TLK1: variants seen among roughly 807,000 people sequenced by gnomAD.
The protein encoded by TLK1 is serine/threonine-protein kinase tousled-like 1.
Under a neutral mutation model 105.3 loss-of-function variants are expected in TLK1, and 24 were observed. The observed-to-expected ratio is 0.23, with a 90% CI of 0.17 to 0.32. The LOEUF is 0.32. TLK1 is among the 10% of genes least tolerant of loss of function. TLK1 has a pLI of 1.00. For missense variants in TLK1, 558 were observed against 910.5 expected (o/e 0.61, Z 4.98); for synonymous variants, 321 against 310.4 (o/e 1.03, Z -0.36).
At chr2:171,115,734 C>T (rs190416802) in intron 2 of TLK1, among the ~76,000 whole-genome samples, 6 of 152,162 alleles carry the variant, frequency 3.9e-5, no homozygotes, top group African/African-American at 1.2e-4. Flanking sequence ...TAATGCTAGA[C>T]GAATTTTCTC....
intron 2 of TLK1, among the ~76,000 whole-genome samples, chr2:171,109,526 G>C (rs1038927381): frequency 6.6e-6 from 1 of 152,088 alleles, no homozygotes; most frequent in Non-Finnish European, 1.5e-5. Flanking sequence ...AAATGAAAAA[G>C]AATCACAACA....
chr2:171,199,217 A>C (rs1409562301), intron 1 of TLK1, among the ~76,000 whole-genome samples: 1 of 151,974 alleles, frequency 6.6e-6, no homozygotes, highest in East Asian at 1.9e-4. Flanking sequence ...TGAACTCAAA[A>C]CTCCCCAAGA....
intron 8 of TLK1, among the ~76,000 whole-genome samples, chr2:171,050,836 T>C (rs1362271709): frequency 6.6e-6 from 1 of 152,164 alleles, no homozygotes; most frequent in Non-Finnish European, 1.5e-5. Context: ...TTACAACAGA[T>C]TACTGGGAAC....
At chr2:171,008,716 A>G (rs1441454500) in intron 14 of TLK1, among the ~76,000 whole-genome samples, 1 of 151,924 alleles carries the variant, frequency 6.6e-6, no homozygotes, top group Non-Finnish European at 1.5e-5. Context: ...GGCAATCATG[A>G]AAGGGCTTTA....
intron 3 of TLK1, among the ~76,000 whole-genome samples, chr2:171,061,688 G>C (rs1687758714): frequency 6.6e-6 from 1 of 152,218 alleles, no homozygotes; most frequent in Non-Finnish European, 1.5e-5. Flanking sequence ...CACAGATTAT[G>C]CCCCAGATAA....
intron 12 of TLK1, among the ~76,000 whole-genome samples, chr2:171,022,086 A>AAAACACACACACACACACAC (rs1553605634): frequency 4.8e-5 from 5 of 103,108 alleles, no homozygotes; most frequent in African/African-American, 1.5e-4. Flanking sequence ...CTGGGCGAAA[A>AAAACACACACACACACACAC]ACACACACAC....
intron 1 of TLK1, among the ~76,000 whole-genome samples, chr2:171,127,165 G>A (rs141262243): frequency 0.015 from 2,298 of 151,066 alleles, 32 homozygotes; most frequent in Middle Eastern, 0.045. Context: ...TGATCCCAGC[G>A]ACTCAGGAGG....
At chr2:171,164,347 A>G (rs1692568404), upstream of TLK1, among the ~76,000 whole-genome samples, 1 of 152,224 alleles carries the variant, frequency 6.6e-6, no homozygotes, top group Non-Finnish European at 1.5e-5. Flanking sequence ...ACACTATAGT[A>G]AGTGAAAAAA....
intron 8 of TLK1, 124 bp from the exon 9 acceptor site, chr2:171,050,298 A>C: frequency 3.4e-6 from 2 of 592,828 alleles, no homozygotes; most frequent in Non-Finnish European, 5.3e-6. Context: ...TCTGAGTATG[A>C]TACGAGAAAA....
chr2:171,075,262 T>C (rs531049348), intron 3 of TLK1, among the ~76,000 whole-genome samples: 46 of 152,062 alleles, frequency 3.0e-4, no homozygotes, highest in Non-Finnish European at 5.6e-4. Flanking sequence ...AATCAGGAAA[T>C]GCTCTAGATG....
intron 1 of TLK1, among the ~76,000 whole-genome samples, chr2:171,132,452 C>A (rs575356882): frequency 2.6e-5 from 4 of 152,268 alleles, no homozygotes; most frequent in Admixed American, 6.5e-5. Context: ...ACTTACCCCC[C>A]CCAACACGAG....
intron 1 of TLK1, among the ~76,000 whole-genome samples, chr2:171,144,168 C>CA (rs1423797086): frequency 1.3e-5 from 2 of 152,074 alleles, no homozygotes; most frequent in African/African-American, 2.4e-5. Flanking sequence ...GACAGAGCCC[C>CA]AAATTACATG....
At chr2:171,066,869 G>GAA in intron 3 of TLK1, 1 of 1,551,458 alleles carries the variant, frequency 6.4e-7, no homozygotes, top group Non-Finnish European at 8.7e-7. Context: ...AATCATACAA[G>GAA]AATAAAACAG....
rs1683861003 is a variant in TLK1, at chr2:170,993,175, T to A, written c.*605A>T. 1 of 152,592 alleles carries A rather than the reference T, an allele frequency of 6.6e-6. No homozygotes were observed. The highest frequency in any genetic ancestry group is 2.1e-4 in the South Asian group (1 of 4,832). The allele number at this position is 152,592 out of a possible 1,614,324, so 9.5% of individuals were successfully genotyped here. A position where few individuals can be genotyped will look rare whatever the true frequency, so the allele number is the denominator to read the frequency against. ...AGAAAACGGACATGTGATCTCGAGG[T>A]ACAACTTGGTAAAAGTCTGAATAGG... On this transcript the variant is annotated 3_prime_UTR_variant, in exon 21 of 21. Coordinates refer to ENST00000431350, the MANE Select transcript of TLK1 (RefSeq NM_012290.5).
In TLK1 at chr2:171,015,597, T is replaced by TA. The variant is rs1043511815; in HGVS notation, c.1237-650dup. Among the ~76,000 whole-genome samples the TA allele has an allele frequency of 2.0e-5, 3 of 152,058 alleles. No individual in the cohort carries two copies. In the East Asian group the frequency reaches 5.8e-4, roughly 29 times the overall value. On this transcript the variant is annotated intron_variant, in intron 12 of 20. Transcript: ENST00000431350. ...TTAATAATCAATATAAATATTTTGA[T>TA]AAATACATTTTTGTCTTAAAATATA...
At position 171,157,283 on chromosome 2, in the gene TLK1, T is replaced by A. The variant is rs747012414; in HGVS notation, c.139+3007A>T. On this transcript the variant is annotated intron_variant, in intron 1 of 20. Transcript: ENST00000431350. ...CTGATATGCAAAAAAACCCAACTAC[T>A]TATCTAGCCAATATGACACTAGGTT... 5.3e-4 allele frequency among the ~76,000 whole-genome samples: 81 copies of A among 152,228 alleles called. 1 individual carries two copies. The highest frequency in any genetic ancestry group is 5.3e-4 in the Non-Finnish European group (36 of 68,038).
chr2:171,170,845 G>A (rs1346722445), intron 1 of TLK1, among the ~76,000 whole-genome samples: 1 of 152,054 alleles, frequency 6.6e-6, no homozygotes, highest in Non-Finnish European at 1.5e-5. Context: ...AAACAATGAA[G>A]TACTACTTTT....
At chr2:171,111,494 G>A (rs561088861) in intron 2 of TLK1, among the ~76,000 whole-genome samples, 1 of 151,890 alleles carries the variant, frequency 6.6e-6, no homozygotes, top group Non-Finnish European at 1.5e-5. Context: ...CTGAGATAGA[G>A]GGACTGCTTG....
At chr2:171,050,380 G>C (rs1046765927) in intron 8 of TLK1, among the ~76,000 whole-genome samples, 1 of 151,344 alleles carries the variant, frequency 6.6e-6, no homozygotes, top group African/African-American at 2.4e-5. Flanking sequence ...AGTACATACA[G>C]GGAAATTTGT....
Sources: gnomAD v4.1 joint callset for allele counts (sites outside exome capture counted in the v4.1 genomes callset) on GRCh38, gnomAD v4.1.1 for gene constraint, MANE v1.5 for transcripts, NCBI Gene and HGNC (gene_info 2026-07-23, HGNC 2026-07-21) for gene names.